Variants in ELFN2 observed in about 807,000 individuals in gnomAD.
ELFN2 encodes protein phosphatase 1 regulatory subunit 29.
In ELFN2, 17 loss-of-function variants were observed where a neutral mutation model predicts 45.5. That is an observed-to-expected ratio of 0.37 (90% CI 0.26 to 0.56). The LOEUF is 0.56. Ranked by LOEUF, ELFN2 falls within the 20% of genes least tolerant of loss-of-function variation. The pLI is 0.77. For synonymous variants in ELFN2, 550 were observed against 551.5 expected (o/e 1.00, Z 0.04); for missense variants, 922 against 1,183.2 (o/e 0.78, Z 3.24).
chr22:37,389,161 T>C (rs1932032094), intron 2 of ELFN2, among the ~76,000 whole-genome samples: 1 of 152,088 alleles, frequency 6.6e-6, no homozygotes, highest in Non-Finnish European at 1.5e-5. Flanking sequence ...CAAGGTTCTA[T>C]GGGAATGTGA....
rs1236637968 is a variant in ELFN2 at position 37,352,629 on chromosome 22, T to C, written n.149-9926A>G. Among the ~76,000 whole-genome samples, 8 of 150,368 alleles carry C rather than the reference T, an allele frequency of 5.3e-5. No individual in the cohort carries two copies. The East Asian group carries it at 1.5e-3, about 29-fold the overall frequency. ...TGGCGTGGCAAAGTTGGGGTATATA[T>C]ACCATTCTAGATGGAGGCGGCGGTA... On this transcript the variant is annotated intron_variant and non_coding_transcript_variant, in intron 1 of 2. Transcript: ENST00000452946.
chr22:37,387,214 T>C (rs1373213274), intron 2 of ELFN2, among the ~76,000 whole-genome samples: 1 of 151,992 alleles, frequency 6.6e-6, no homozygotes, highest in Non-Finnish European at 1.5e-5. Context: ...GGCCCCCCAA[T>C]AGCCTGCTCC....
chr22:37,367,630 G>A (rs73164595), downstream of ELFN2, among the ~76,000 whole-genome samples: 5 of 152,342 alleles, frequency 3.3e-5, no homozygotes, highest in Non-Finnish European at 5.9e-5. Flanking sequence ...TCCCGGGTGT[G>A]GGAGGCCAGG....
intron 2 of ELFN2, among the ~76,000 whole-genome samples, chr22:37,391,670 C>A (rs1321098069): frequency 1.3e-5 from 2 of 152,214 alleles, no homozygotes; most frequent in Non-Finnish European, 2.9e-5. Context: ...TCTGGGACTC[C>A]CCGAAGGCCA....
At position 37,372,843 on chromosome 22, in the gene ELFN2, C is replaced by A. The variant is rs1197308069; in HGVS notation, c.*229G>T. The A allele has an allele frequency of 5.6e-6, 3 of 533,196 alleles. No homozygotes were observed. The highest frequency in any genetic ancestry group is 9.9e-6 in the Non-Finnish European group (3 of 303,546). The allele number at this position is 533,196 out of a possible 1,614,324, so 33.0% of individuals were successfully genotyped here. A position where few individuals can be genotyped will look rare whatever the true frequency, so the allele number is the denominator to read the frequency against. ...ACTGGTTTCGGTATCAGTTTGTAAA[C>A]TTTAAGGAAAATGTGTCTCTGTTTT... On this transcript the variant is annotated 3_prime_UTR_variant, in exon 3 of 3. Coordinates refer to ENST00000402918, the MANE Select transcript of ELFN2 (RefSeq NM_052906.5). This position sits in a 1 kb window ranked among gnomAD's most constrained non-coding sequence, Gnocchi z 4.4.
At chr22:37,424,949 C>T (rs186846851) in intron 1 of ELFN2, among the ~76,000 whole-genome samples, 355 of 152,166 alleles carry the variant, frequency 2.3e-3, no homozygotes, top group African/African-American at 8.0e-3. Context: ...CAGCACCCGC[C>T]CCCCACAAGG....
chr22:37,421,263 C>CCCCA (rs1932807134), intron 1 of ELFN2, among the ~76,000 whole-genome samples: 1 of 152,352 alleles, frequency 6.6e-6, no homozygotes, highest in African/African-American at 2.4e-5. Context: ...CATGCCCCCA[C>CCCCA]CCAGGGGTAG....
chr22:37,423,247 T>G (rs1442302781), intron 1 of ELFN2, among the ~76,000 whole-genome samples: 1 of 152,094 alleles, frequency 6.6e-6, no homozygotes, highest in African/African-American at 2.4e-5. Flanking sequence ...GGGGTTGAGA[T>G]GCAGGCACCA....
Position 37,371,113 on chromosome 22 carries a change from A to C in ELFN2, c.*1959T>G, listed in dbSNP as rs765921116. On this transcript the variant is annotated 3_prime_UTR_variant, in exon 3 of 3. Coordinates refer to ENST00000402918, the MANE Select transcript of ELFN2 (RefSeq NM_052906.5). The surrounding 1 kb of genome is among the most constrained non-coding windows in gnomAD (Gnocchi z 6.4). ...GAGCCCTGGGCTTCGTTAACCCCAA[A>C]GTTGGTGTGAGAGAGGTACTCAGCT... The C allele has an allele frequency of 2.0e-5, 3 of 152,430 alleles. No homozygotes were observed. The highest frequency in any genetic ancestry group is 4.4e-5 in the Non-Finnish European group (3 of 68,064). 9.4% of individuals were successfully genotyped at this position (152,430 alleles called of 1,614,324 possible).
Position 37,403,659 on chromosome 22 carries a change from C to G in ELFN2, c.-463+14110G>C, listed in dbSNP as rs1481847068. Among the ~76,000 whole-genome samples, 3 of 152,232 alleles carry G rather than the reference C, an allele frequency of 2.0e-5. 1 individual carries two copies. The South Asian group carries it at 6.2e-4, about 31-fold the overall frequency. ...ACATAGCAGGCCCTCACCCCCACCACAGGAAAAGGCAGAAAAGGCAGGCCA... is the reference window on the plus strand; with the variant it reads ...ACATAGCAGGCCCTCACCCCCACCAGAGGAAAAGGCAGAAAAGGCAGGCCA... On this transcript the variant is annotated intron_variant, in intron 2 of 2. Coordinates refer to ENST00000402918, the MANE Select transcript of ELFN2 (RefSeq NM_052906.5).
chr22:37,423,123 C>A (rs1420347837), intron 1 of ELFN2, among the ~76,000 whole-genome samples: 1 of 152,132 alleles, frequency 6.6e-6, no homozygotes, highest in African/African-American at 2.4e-5. Context: ...GGGGCAACCT[C>A]CCCACTGTCA....
Position 37,394,871 on chromosome 22 carries a change from G to A in ELFN2, c.-462-18875C>T, listed in dbSNP as rs927450589. Among the ~76,000 whole-genome samples, 35 of 152,234 alleles carry A rather than the reference G, an allele frequency of 2.3e-4. 1 individual carries two copies. The highest frequency in any genetic ancestry group is 6.8e-3 in the Middle Eastern group (2 of 294). ...TGTAATCCCAACACTTTAGGAGGCC[G>A]AGGCGGGCGGATCACGAGGTCAGGA... On this transcript the variant is annotated intron_variant, in intron 2 of 2. Coordinates refer to ENST00000402918, the MANE Select transcript of ELFN2 (RefSeq NM_052906.5).
chr22:37,357,970 C>T (rs1930990649), intron 1 of ELFN2, among the ~76,000 whole-genome samples: 1 of 152,142 alleles, frequency 6.6e-6, no homozygotes, highest in African/African-American at 2.4e-5. Context: ...CTTCTCTTTG[C>T]CAGGAGAAAA....
At chr22:37,388,989 G>T (rs186547092) in intron 2 of ELFN2, among the ~76,000 whole-genome samples, 141 of 152,356 alleles carry the variant, frequency 9.3e-4, no homozygotes, top group Non-Finnish European at 1.6e-3. Flanking sequence ...CTTTCAGGGG[G>T]AGGTAGTGGG....
At chr22:37,364,818 G>A (rs1466824507), downstream of ELFN2, among the ~76,000 whole-genome samples, 1 of 152,252 alleles carries the variant, frequency 6.6e-6, no homozygotes, top group African/African-American at 2.4e-5. Context: ...GGAGGCTGGG[G>A]CTGGGCGGTG....
intron 2 of ELFN2, among the ~76,000 whole-genome samples, chr22:37,380,559 G>A (rs983599695): frequency 6.6e-6 from 1 of 152,164 alleles, no homozygotes; most frequent in Admixed American, 6.5e-5. Flanking sequence ...GAGCAGGGAC[G>A]TGAGGCTCGG....
At chr22:37,392,540 G>A (rs978334857) in intron 2 of ELFN2, among the ~76,000 whole-genome samples, 10 of 152,042 alleles carry the variant, frequency 6.6e-5, no homozygotes, top group Admixed American at 1.3e-4. Flanking sequence ...GGATGGTCTC[G>A]ATCTCCTGAC....
chr22:37,407,841 G>A (rs1336603643), intron 2 of ELFN2, among the ~76,000 whole-genome samples: 1 of 151,858 alleles, frequency 6.6e-6, no homozygotes, highest in East Asian at 1.9e-4. Flanking sequence ...CTTGCAGTAA[G>A]CCGAGATCGC....
At chr22:37,422,199 C>T (rs951588097) in intron 1 of ELFN2, among the ~76,000 whole-genome samples, 2 of 152,018 alleles carry the variant, frequency 1.3e-5, no homozygotes, top group African/African-American at 4.8e-5. Context: ...GGGAAAGAAA[C>T]AGACACATGC....
Sources: gnomAD v4.1 joint callset for allele counts (sites outside exome capture counted in the v4.1 genomes callset) on GRCh38, gnomAD v4.1.1 for gene constraint, Gnocchi (gnomAD v3.1) non-coding constraint, MANE v1.5 for transcripts, NCBI Gene and HGNC (gene_info 2026-07-23, HGNC 2026-07-21) for gene names.